The following RABL3 variants were observed in gnomAD, a reference collection of about 807,000 sequenced individuals.
The protein encoded by RABL3 is RAB, member of RAS oncogene family like 3, also known as rab-like protein 3.
Under a neutral mutation model 31.8 loss-of-function variants are expected in RABL3, and 31 were observed. The observed-to-expected ratio is 0.97, with a 90% CI of 0.73 to 1.31. The LOEUF (loss-of-function observed/expected upper bound fraction) is 1.31, where lower values mean the gene tolerates loss of function less well. RABL3 is among the 40% of genes most tolerant of loss of function. The probability of loss-of-function intolerance (pLI) is 0.00; values close to 1 mark genes in which losing one functional copy is unlikely to be tolerated. For missense variants in RABL3, 263 were observed against 279.6 expected, an observed-to-expected ratio of 0.94 and a Z score of 0.42; for synonymous variants, 97 against 99.9, an observed-to-expected ratio of 0.97 and a Z score of 0.18.
intron 1 of RABL3, among the ~76,000 whole-genome samples, chr3:120,734,394 G>A (rs1380531174): frequency 6.6e-6 from 1 of 152,182 alleles, no homozygotes; most frequent in African/African-American, 2.4e-5. Flanking sequence ...CATTGATTTT[G>A]TATCCTGAGA....
intron 2 of RABL3, among the ~76,000 whole-genome samples, chr3:120,727,929 C>CT (rs1176887730): frequency 6.6e-6 from 1 of 152,142 alleles, no homozygotes; most frequent in African/African-American, 2.4e-5. Flanking sequence ...AAGGACATTT[C>CT]TTTAATCTAA....
chr3:120,720,528 C>T (rs1415594159), intron 2 of RABL3, among the ~76,000 whole-genome samples: 1 of 152,132 alleles, frequency 6.6e-6, no homozygotes, highest in Admixed American at 6.5e-5. Context: ...ATGAGAACTA[C>T]GTGACGAATG....
chr3:120,711,222 T>C (rs1488738693), intron 2 of RABL3, among the ~76,000 whole-genome samples: 3 of 152,158 alleles, frequency 2.0e-5, no homozygotes, highest in African/African-American at 7.2e-5. Flanking sequence ...CTATCAATAC[T>C]CATTCTTGTG....
chr3:120,697,148 G>C (rs917213243), intron 5 of RABL3, among the ~76,000 whole-genome samples: 1 of 152,146 alleles, frequency 6.6e-6, no homozygotes, highest in African/African-American at 2.4e-5. Context: ...AATCAGATTT[G>C]GGTAACTGTT....
rs111462248 is a variant in RABL3 at position 120,691,556 on chromosome 3, G to A, written c.607-1069C>T. 5.6e-3 allele frequency among the ~76,000 whole-genome samples: 858 copies of A among 152,328 alleles called. 11 individuals carry two copies. Among genetic ancestry groups the A allele is most frequent in the African/African-American group, 0.02 (826 of 41,572 alleles). On this transcript the variant is annotated intron_variant, in intron 6 of 7. Coordinates refer to ENST00000273375, the MANE Select transcript of RABL3 (RefSeq NM_173825.5). ...AGGCTAACATAAGTGTTCTGAGCAT[G>A]TTTAAGGAAGGCTAGGCTAAGCTGC...
intron 2 of RABL3, among the ~76,000 whole-genome samples, chr3:120,727,913 G>C (rs1251529358): frequency 6.6e-6 from 1 of 152,098 alleles, no homozygotes; most frequent in East Asian, 1.9e-4. Flanking sequence ...ATTGTAATAG[G>C]AATAGAAGGA....
At position 120,686,260 on chromosome 3, in the gene RABL3, CCT is replaced by C. The variant is rs1302226779; in HGVS notation, c.*3561_*3562del. On this transcript the variant is annotated 3_prime_UTR_variant, in exon 8 of 8. Transcript: ENST00000273375. ...ACATATATTAAACCAATGCAGACAC[CCT>C]GTTAGACCTTTAAACTTCTTAAAAT... is the stretch of plus-strand genomic sequence containing the variant. 6.6e-6 allele frequency among the ~76,000 whole-genome samples: 1 copy of C among 152,122 alleles called. No homozygotes were observed. Among genetic ancestry groups the C allele is most frequent in the Admixed American group, 6.5e-5 (1 of 15,268 alleles).
intron 1 of RABL3, among the ~76,000 whole-genome samples, chr3:120,737,855 A>G (rs1010515606): frequency 1.3e-5 from 2 of 152,194 alleles, no homozygotes; most frequent in African/African-American, 4.8e-5. Context: ...CTGAACAGCA[A>G]ATGTTGCTGC....
intron 2 of RABL3, among the ~76,000 whole-genome samples, chr3:120,717,731 C>T (rs1016584936): frequency 6.6e-6 from 1 of 152,234 alleles, no homozygotes; most frequent in South Asian, 2.1e-4. Context: ...GACCTCCCAA[C>T]GTGCTGGGAT....
chr3:120,734,432 G>A (rs1005233825), intron 1 of RABL3, among the ~76,000 whole-genome samples: 11 of 152,176 alleles, frequency 7.2e-5, no homozygotes, highest in Non-Finnish European at 1.0e-4. Flanking sequence ...ATCAGCTTAC[G>A]GAGATTTTGG....
intron 2 of RABL3, among the ~76,000 whole-genome samples, chr3:120,720,775 A>C (rs1248661693): frequency 6.6e-6 from 1 of 152,266 alleles, no homozygotes; most frequent in African/African-American, 2.4e-5. Flanking sequence ...GATATTATCT[A>C]GGAGAACTTC....
intron 2 of RABL3, among the ~76,000 whole-genome samples, chr3:120,718,444 A>T (rs941184002): frequency 6.6e-6 from 1 of 152,226 alleles, no homozygotes; most frequent in Admixed American, 6.5e-5. Context: ...TCCTATTAGC[A>T]TCTCATTCTT....
chr3:120,701,316 G>A (rs1202558030), intron 4 of RABL3, among the ~76,000 whole-genome samples: 1 of 152,064 alleles, frequency 6.6e-6, no homozygotes, highest in East Asian at 1.9e-4. Flanking sequence ...GGACACTAGG[G>A]TTGTTTCCAA....
chr3:120,706,180 A>G (rs1708546748), intron 3 of RABL3, 66 bp from the exon 4 acceptor site: 4 of 1,031,244 alleles, frequency 3.9e-6, no homozygotes, highest in Non-Finnish European at 6.0e-6. Flanking sequence ...AATTGGCCAA[A>G]TGAAGCTTAG....
At chr3:120,730,661 C>G (rs1468117887) in intron 2 of RABL3, 35 bp downstream of exon 2, 2 of 1,356,050 alleles carry the variant, frequency 1.5e-6, no homozygotes, top group African/African-American at 2.9e-5. Context: ...ATCTTTAGTA[C>G]ATTATTGAAA....
At chr3:120,720,597 C>G (rs1392146787) in intron 2 of RABL3, among the ~76,000 whole-genome samples, 1 of 151,830 alleles carries the variant, frequency 6.6e-6, no homozygotes, top group Admixed American at 6.6e-5. Context: ...GATGGAAGAT[C>G]AAATGAATGA....
chr3:120,717,705 G>A (rs1320017479), intron 2 of RABL3, among the ~76,000 whole-genome samples: 3 of 152,260 alleles, frequency 2.0e-5, no homozygotes, highest in East Asian at 3.9e-4. Context: ...CTGACCTCAC[G>A]TGATCCACCG....
chr3:120,684,966 T>C lies in RABL3; in HGVS notation c.*4857A>G, dbSNP rs1402774283. Among the ~76,000 whole-genome samples the C allele has an allele frequency of 2.0e-5, 3 of 152,252 alleles. No homozygotes were observed. Among genetic ancestry groups the C allele is most frequent in the Admixed American group, 2.0e-4 (3 of 15,292 alleles). On this transcript the variant is annotated 3_prime_UTR_variant, in exon 8 of 8. Transcript: ENST00000273375. Reference sequence around the variant, plus strand: ...TGATTCTATGTCTAATGGCTTTCCATTTTAATTAATGTAATTATACATTCA... The same window carrying C: ...TGATTCTATGTCTAATGGCTTTCCACTTTAATTAATGTAATTATACATTCA...
At chr3:120,712,126 T>G (rs542244899) in intron 2 of RABL3, among the ~76,000 whole-genome samples, 2 of 152,326 alleles carry the variant, frequency 1.3e-5, no homozygotes, top group South Asian at 4.1e-4. Flanking sequence ...CACTTTTACT[T>G]ATTCACAATT....
Sources: allele counts gnomAD v4.1 joint callset (sites outside exome capture counted in the v4.1 genomes callset), GRCh38; gene constraint gnomAD v4.1.1; transcripts MANE v1.5; gene names NCBI Gene and HGNC (gene_info 2026-07-23, HGNC 2026-07-21).